The following NEK11 variants were observed in gnomAD, a reference collection of about 807,000 sequenced individuals.
The protein encoded by NEK11 is serine/threonine-protein kinase Nek11.
A neutral mutation model predicts 80.7 loss-of-function variants in NEK11; 72 were observed. The ratio of observed to expected loss-of-function variants is 0.89; its 90% CI spans 0.74 to 1.08. The LOEUF is 1.08. NEK11 is among the 50% of genes least tolerant of loss of function. The probability of loss-of-function intolerance (pLI) is 0.00; values close to 1 mark genes in which losing one functional copy is unlikely to be tolerated. For missense variants in NEK11, 764 were observed against 763.6 expected (o/e 1.00, Z -0.01); for synonymous variants, 251 against 260.7 (o/e 0.96, Z 0.36).
chr3:131,143,142 C>T (rs993213272), intron 7 of NEK11, among the ~76,000 whole-genome samples: 14 of 152,126 alleles, frequency 9.2e-5, no homozygotes, highest in African/African-American at 2.9e-4. Flanking sequence ...GAAATAAGAA[C>T]ATTTCTATGA....
intron 17 of NEK11, chr3:131,329,609 A>T (rs1454832172): frequency 6.6e-6 from 1 of 152,258 alleles, no homozygotes; most frequent in African/African-American, 2.4e-5. Context: ...GATGGTGAAT[A>T]AGTAGTACAG....
rs908193616 is a variant in NEK11, at chr3:131,220,258, TA to T, written c.1400-8261del. On this transcript the variant is annotated intron_variant, in intron 14 of 17. Coordinates refer to ENST00000383366, the MANE Select transcript of NEK11 (RefSeq NM_024800.5). The stretch of plus-strand genomic sequence containing the variant: ...ATTGACTTTTACCTTATGTAAAAGG[TA>T]AAAAAAAATCTTATGGTTTTGGGGA... Among the ~76,000 whole-genome samples the T allele has an allele frequency of 2.6e-4, 39 of 151,926 alleles. No homozygotes were observed. The East Asian group carries it at 5.8e-3, about 23-fold the overall frequency.
intron 3 of NEK11, among the ~76,000 whole-genome samples, chr3:131,031,781 G>GATTCA (rs1321837267): frequency 6.6e-6 from 1 of 152,024 alleles, no homozygotes. Flanking sequence ...ACATGTTTGT[G>GATTCA]GAATGAATCC....
chr3:131,181,745 C>CAAAAAAA (rs58463955), intron 14 of NEK11, among the ~76,000 whole-genome samples: 96 of 82,696 alleles, frequency 1.2e-3, no homozygotes, highest in Non-Finnish European at 1.6e-3. Context: ...GACTCCGCCT[C>CAAAAAAA]AAAAAAAAAA....
At chr3:131,315,680 T>C (rs1432896118) in intron 17 of NEK11, among the ~76,000 whole-genome samples, 1 of 151,998 alleles carries the variant, frequency 6.6e-6, no homozygotes, top group African/African-American at 2.4e-5. Context: ...CCAGCATCCA[T>C]TAGTTATTTT....
intron 15 of NEK11, among the ~76,000 whole-genome samples, chr3:131,239,214 G>A (rs561566708): frequency 3.2e-4 from 48 of 152,234 alleles, no homozygotes; most frequent in African/African-American, 1.1e-3. Flanking sequence ...GGATGGCTCT[G>A]AGAGAAGAGG....
intron 17 of NEK11, among the ~76,000 whole-genome samples, chr3:131,278,568 G>GT (rs1287360485): frequency 1.3e-5 from 2 of 149,790 alleles, no homozygotes; most frequent in Non-Finnish European, 3.0e-5. Flanking sequence ...GTTTTTTTTT[G>GT]TTTTTTTACA....
intron 7 of NEK11, among the ~76,000 whole-genome samples, chr3:131,150,132 T>G (rs1290659530): frequency 1.3e-5 from 2 of 152,046 alleles, no homozygotes; most frequent in Admixed American, 6.6e-5. Context: ...GTTTTTCAAT[T>G]ATCTCTTTTT....
At chr3:131,324,120 A>T (rs1287764414) in intron 17 of NEK11, among the ~76,000 whole-genome samples, 2 of 152,238 alleles carry the variant, frequency 1.3e-5, no homozygotes, top group Non-Finnish European at 2.9e-5. Flanking sequence ...CTCTGGTTGC[A>T]GCAGGGACAG....
chr3:131,314,961 G>A (rs2096821660), intron 17 of NEK11, among the ~76,000 whole-genome samples: 1 of 152,112 alleles, frequency 6.6e-6, no homozygotes, highest in African/African-American at 2.4e-5. Flanking sequence ...AAATTACTGA[G>A]GAGCTTATTA....
intron 17 of NEK11, among the ~76,000 whole-genome samples, chr3:131,288,158 T>C (rs1203014959): frequency 1.3e-5 from 2 of 152,206 alleles, no homozygotes; most frequent in African/African-American, 4.8e-5. Flanking sequence ...TTGTTTGTCC[T>C]GAGTGTGTTC....
At chr3:131,336,092 T>A (rs2097178864) in intron 17 of NEK11, among the ~76,000 whole-genome samples, 1 of 152,204 alleles carries the variant, frequency 6.6e-6, no homozygotes, top group South Asian at 2.1e-4. Flanking sequence ...TACCAATGAC[T>A]TTCTTCACAG....
rs2095268464 is a variant in NEK11, at chr3:131,228,754, A to G, written c.1560+66A>G. On this transcript the variant is annotated intron_variant, in intron 15 of 17. Transcript: ENST00000383366. ...GGTACTGATTGGACTCTCCCAGAGA[A>G]GAAAGGAAGTCTTATAAGGTGAAGT... 4.0e-6 allele frequency: 6 copies of G among 1,483,274 alleles called. No individual in the cohort carries two copies. In the South Asian group the frequency reaches 5.6e-5, roughly 14 times the overall value. 91.9% of individuals were successfully genotyped at this position (1,483,274 alleles called of 1,614,324 possible).
chr3:131,186,887 T>C (rs556962844), intron 14 of NEK11, among the ~76,000 whole-genome samples: 2 of 152,336 alleles, frequency 1.3e-5, no homozygotes, highest in African/African-American at 4.8e-5. Context: ...GTAATTTTCC[T>C]GATACATAGG....
chr3:131,089,923 G>A (rs184154073), intron 4 of NEK11, among the ~76,000 whole-genome samples: 439 of 152,318 alleles, frequency 2.9e-3, no homozygotes, highest in Non-Finnish European at 4.8e-3. Flanking sequence ...TGTCAGTCCA[G>A]CGAATTAATA....
At chr3:131,306,759 G>T (rs1001932085) in intron 17 of NEK11, among the ~76,000 whole-genome samples, 2 of 152,136 alleles carry the variant, frequency 1.3e-5, no homozygotes, top group Admixed American at 6.5e-5. Flanking sequence ...ATATTTACTG[G>T]GATAACATAG....
chr3:131,144,861 A>C (rs1404682715), intron 7 of NEK11, among the ~76,000 whole-genome samples: 4 of 152,152 alleles, frequency 2.6e-5, no homozygotes, highest in African/African-American at 7.2e-5. Flanking sequence ...GAAACAGGTA[A>C]TTGCACTGCA....
At chr3:131,318,643 C>G (rs1014351568) in intron 17 of NEK11, among the ~76,000 whole-genome samples, 1 of 151,502 alleles carries the variant, frequency 6.6e-6, no homozygotes, top group African/African-American at 2.4e-5. Context: ...GGTGAGCTCT[C>G]TAGAGTATAT....
At chr3:131,159,692 G>C (rs1299507108) in intron 10 of NEK11, among the ~76,000 whole-genome samples, 2 of 152,108 alleles carry the variant, frequency 1.3e-5, no homozygotes, top group Non-Finnish European at 2.9e-5. Flanking sequence ...TTGAACCTGG[G>C]AGGCGGAGGT....
Sources: allele counts gnomAD v4.1 joint callset (sites outside exome capture counted in the v4.1 genomes callset), GRCh38; gene constraint gnomAD v4.1.1; transcripts MANE v1.5; gene names NCBI Gene and HGNC (gene_info 2026-07-23, HGNC 2026-07-21).